PTGER3: variants seen among roughly 807,000 people sequenced by gnomAD.
PTGER3 encodes prostaglandin E receptor 3.
A neutral mutation model predicts 34.7 loss-of-function variants in PTGER3; 22 were observed. The observed-to-expected ratio is 0.63, with a 90% CI of 0.45 to 0.91. The LOEUF (loss-of-function observed/expected upper bound fraction) is 0.91, where lower values mean the gene tolerates loss of function less well. Ranked by LOEUF, PTGER3 falls within the 40% of genes least tolerant of loss-of-function variation. PTGER3 has a pLI of 0.00. For synonymous variants in PTGER3, 241 were observed against 230.1 expected (o/e 1.05, Z -0.43); for missense variants, 468 against 519.4 (o/e 0.90, Z 0.96).
At chr1:70,864,516 C>T (rs1285433067) in intron 4 of PTGER3, among the ~76,000 whole-genome samples, 1 of 152,088 alleles carries the variant, frequency 6.6e-6, no homozygotes, top group Non-Finnish European at 1.5e-5. Flanking sequence ...CTGGGTCTTA[C>T]ACCAAGGGAA....
At chr1:70,972,424 T>G (rs1010863650) in intron 3 of PTGER3, among the ~76,000 whole-genome samples, 3 of 152,186 alleles carry the variant, frequency 2.0e-5, no homozygotes, top group Non-Finnish European at 2.9e-5. Flanking sequence ...ACACGGTTGA[T>G]GAAATTTTAA....
At chr1:71,045,579 G>A (rs1660692751) in intron 1 of PTGER3, among the ~76,000 whole-genome samples, 1 of 152,114 alleles carries the variant, frequency 6.6e-6, no homozygotes, top group African/African-American at 2.4e-5. Context: ...AAGTAACACA[G>A]ACAAAAAAAC....
At chr1:70,977,811 T>G (rs1235026855) in intron 2 of PTGER3, among the ~76,000 whole-genome samples, 1 of 151,986 alleles carries the variant, frequency 6.6e-6, no homozygotes, top group East Asian at 1.9e-4. Context: ...TTGTCTCTAC[T>G]CCTTCCTCCA....
At chr1:70,884,414 A>G (rs569789563) in intron 4 of PTGER3, among the ~76,000 whole-genome samples, 1 of 152,280 alleles carries the variant, frequency 6.6e-6, no homozygotes, top group African/African-American at 2.4e-5. Context: ...TAGTCAACTG[A>G]TTTTGAGTTA....
At position 70,976,820 on chromosome 1, in the gene PTGER3, G is replaced by A. The variant is rs534585077; in HGVS notation, c.1078-2432C>T. ...AGTATAAGGATAAGCAGGTACTAAC[G>A]AGCCTCTCTTAGACATATCAGCTCT... is the stretch of plus-strand genomic sequence containing the variant. On this transcript the variant is annotated intron_variant, in intron 2 of 3. Transcript: ENST00000306666. Among the ~76,000 whole-genome samples, 15 of 152,116 alleles carry A rather than the reference G, an allele frequency of 9.9e-5. No homozygotes were observed. The East Asian group carries it at 2.7e-3, about 27-fold the overall frequency.
intron 2 of PTGER3, among the ~76,000 whole-genome samples, chr1:70,957,018 A>G (rs1651414651): frequency 1.3e-5 from 2 of 152,128 alleles, no homozygotes; most frequent in Non-Finnish European, 2.9e-5. Context: ...ATAGAAGTAA[A>G]GCTGTTTGTT....
intron 1 of PTGER3, among the ~76,000 whole-genome samples, chr1:71,018,586 C>T (rs1042602975): frequency 2.6e-5 from 4 of 152,088 alleles, no homozygotes; most frequent in African/African-American, 9.7e-5. Context: ...AGAAAGTGTT[C>T]TGGGCCTCGT....
rs549308206 is a variant in PTGER3 at position 70,905,586 on chromosome 1, G to T, written c.*23+48177C>A. 2.0e-5 allele frequency among the ~76,000 whole-genome samples: 3 copies of T among 152,132 alleles called. No individual in the cohort carries two copies. The South Asian group carries it at 6.2e-4, about 32-fold the overall frequency. ...GCTTTAAGATTTGACTGCCCTGCTG[G>T]ATTTCGGACTTGTATGGGGCCTGTA... On this transcript the variant is annotated intron_variant, in intron 4 of 4. Coordinates refer to the PTGER3 transcript ENST00000370931.
intron 4 of PTGER3, among the ~76,000 whole-genome samples, chr1:70,887,257 A>G (rs1434324555): frequency 6.6e-6 from 1 of 152,188 alleles, no homozygotes; most frequent in Non-Finnish European, 1.5e-5. Flanking sequence ...AAGGGGACTA[A>G]GTGGATAATT....
intron 2 of PTGER3, among the ~76,000 whole-genome samples, chr1:70,983,639 TA>T (rs1271986985): frequency 3.3e-5 from 5 of 152,276 alleles, no homozygotes; most frequent in Middle Eastern, 3.4e-3. Flanking sequence ...CAAAGGGAGA[TA>T]TTTTTTTCTT....
downstream of PTGER3, among the ~76,000 whole-genome samples, chr1:70,969,997 T>C (rs1056076329): frequency 1.3e-5 from 2 of 151,374 alleles, no homozygotes; most frequent in African/African-American, 4.9e-5. Context: ...ACAGAGCTTG[T>C]GAGTGGCACA....
chr1:70,941,916 G>T (rs190665844), intron 4 of PTGER3, among the ~76,000 whole-genome samples: 1 of 151,878 alleles, frequency 6.6e-6, no homozygotes, highest in East Asian at 1.9e-4. Context: ...AATCACGACC[G>T]TCCTCCTTAA....
At chr1:70,862,885 G>A (rs1043763137) in intron 4 of PTGER3, among the ~76,000 whole-genome samples, 3 of 152,162 alleles carry the variant, frequency 2.0e-5, no homozygotes, top group African/African-American at 7.2e-5. Flanking sequence ...TTCTTAGCAG[G>A]AGGATGGCAC....
intron 4 of PTGER3, among the ~76,000 whole-genome samples, chr1:70,903,909 G>A (rs1169875182): frequency 6.6e-6 from 1 of 152,096 alleles, no homozygotes; most frequent in East Asian, 1.9e-4. Flanking sequence ...CCCTCGGTTG[G>A]TTTAAAGATT....
chr1:71,031,633 A>G (rs1659425765), intron 1 of PTGER3, among the ~76,000 whole-genome samples: 1 of 152,196 alleles, frequency 6.6e-6, no homozygotes, highest in Non-Finnish European at 1.5e-5. Flanking sequence ...TGCAGCAAAC[A>G]TTTTTCCAGC....
At chr1:70,894,305 A>G (rs12083413) in intron 4 of PTGER3, among the ~76,000 whole-genome samples, 2 of 85,704 alleles carry the variant, frequency 2.3e-5, no homozygotes, top group African/African-American at 7.9e-5. Context: ...ACAAAACTCC[A>G]TCTCAAAAAA....
At chr1:71,029,970 G>C (rs1259396374) in intron 1 of PTGER3, among the ~76,000 whole-genome samples, 1 of 148,258 alleles carries the variant, frequency 6.7e-6, no homozygotes, top group African/African-American at 2.5e-5. Flanking sequence ...AACAAAATAA[G>C]TAAATAAATA....
At chr1:70,909,288 G>T (rs372308166) in intron 4 of PTGER3, among the ~76,000 whole-genome samples, 1 of 152,142 alleles carries the variant, frequency 6.6e-6, no homozygotes, top group Non-Finnish European at 1.5e-5. Context: ...ATTTCTGTGC[G>T]TGTTAACCAT....
At chr1:70,991,830 C>T (rs369604156) in intron 2 of PTGER3, among the ~76,000 whole-genome samples, 2 of 152,118 alleles carry the variant, frequency 1.3e-5, no homozygotes, top group East Asian at 1.9e-4. Flanking sequence ...TGTGTTATTA[C>T]TCAGATAATG....
Sources: gnomAD v4.1 joint callset for allele counts (sites outside exome capture counted in the v4.1 genomes callset) on GRCh38, gnomAD v4.1.1 for gene constraint, MANE v1.5 for transcripts, NCBI Gene and HGNC (gene_info 2026-07-23, HGNC 2026-07-21) for gene names.